KCTD16: variants seen among roughly 807,000 people sequenced by gnomAD.
The protein encoded by KCTD16 is BTB/POZ domain-containing protein KCTD16.
KCTD16 carries 13 observed loss-of-function variants against 33.2 expected under a neutral mutation model. The observed-to-expected ratio is 0.39, with a 90% CI of 0.25 to 0.62. The LOEUF (loss-of-function observed/expected upper bound fraction) is 0.62, where lower values mean the gene tolerates loss of function less well. KCTD16 is among the 20% of genes least tolerant of loss of function. KCTD16 has a pLI of 0.50. For missense variants in KCTD16, 441 were observed against 525.1 expected (o/e 0.84, Z 1.57); for synonymous variants, 197 against 195.3 (o/e 1.01, Z -0.07).
chr5:144,402,229 A>C (rs1241006550), intron 3 of KCTD16, among the ~76,000 whole-genome samples: 1 of 152,198 alleles, frequency 6.6e-6, no homozygotes, highest in African/African-American at 2.4e-5. Context: ...TTCGTTGGCT[A>C]TAGAAGGGGC....
At chr5:144,228,726 G>A (rs1395285910) in intron 3 of KCTD16, among the ~76,000 whole-genome samples, 1 of 152,134 alleles carries the variant, frequency 6.6e-6, no homozygotes, top group African/African-American at 2.4e-5. Flanking sequence ...GATATCCTTG[G>A]ATAAGTAAGA....
chr5:144,280,701 G>A (rs888710617), intron 3 of KCTD16, among the ~76,000 whole-genome samples: 3 of 152,192 alleles, frequency 2.0e-5, no homozygotes, highest in African/African-American at 7.2e-5. Flanking sequence ...AAGGCGGGCG[G>A]ATCACGAGGT....
At chr5:144,366,358 A>G (rs1225541311) in intron 3 of KCTD16, among the ~76,000 whole-genome samples, 2 of 152,168 alleles carry the variant, frequency 1.3e-5, no homozygotes, top group Non-Finnish European at 2.9e-5. Context: ...ATAGCCAACC[A>G]CTGATGTTTG....
In KCTD16 at chr5:144,478,138, T is replaced by G. The variant is rs1561623813; in HGVS notation, c.*4024T>G. On this transcript the variant is annotated 3_prime_UTR_variant, in exon 4 of 4. Transcript: ENST00000512467. ...TCAATTTATTTATTTTCTTTTATATTGTCAAAATAGCACACTAGAGAAAGA... is the reference window on the plus strand; with the variant it reads ...TCAATTTATTTATTTTCTTTTATATGGTCAAAATAGCACACTAGAGAAAGA... 6.6e-6 allele frequency: 1 copy of G among 152,076 alleles called. No homozygotes were observed. Among genetic ancestry groups the G allele is most frequent in the African/African-American group, 2.4e-5 (1 of 41,432 alleles). 9.4% of individuals were successfully genotyped at this position (152,076 alleles called of 1,614,324 possible).
At chr5:144,297,294 G>A (rs1181310027) in intron 3 of KCTD16, among the ~76,000 whole-genome samples, 1 of 152,204 alleles carries the variant, frequency 6.6e-6, no homozygotes, top group East Asian at 1.9e-4. Context: ...GCAAGAATGT[G>A]TTTGGCTGCA....
intron 3 of KCTD16, among the ~76,000 whole-genome samples, chr5:144,309,054 G>A (rs1438400746): frequency 2.6e-5 from 4 of 152,098 alleles, no homozygotes; most frequent in Non-Finnish European, 4.4e-5. Context: ...AAGCTAATTG[G>A]ATCCTAATGC....
At chr5:144,228,298 G>T (rs1318061632) in intron 3 of KCTD16, among the ~76,000 whole-genome samples, 1 of 152,172 alleles carries the variant, frequency 6.6e-6, no homozygotes, top group Non-Finnish European at 1.5e-5. Flanking sequence ...TGTCCTGGAA[G>T]CCAGGTGAAA....
intron 3 of KCTD16, among the ~76,000 whole-genome samples, chr5:144,340,344 G>A (rs1752598670): frequency 6.7e-6 from 1 of 149,100 alleles, no homozygotes; most frequent in Admixed American, 6.7e-5. Flanking sequence ...GTAGCTTGCA[G>A]TGAGCCTAGA....
chr5:144,263,966 C>T (rs559216907), intron 3 of KCTD16, among the ~76,000 whole-genome samples: 25 of 152,298 alleles, frequency 1.6e-4, no homozygotes, highest in African/African-American at 5.5e-4. Flanking sequence ...TTAATTTCAG[C>T]GTGGGGTTCC....
chr5:144,328,621 G>A (rs528809879), intron 3 of KCTD16, among the ~76,000 whole-genome samples: 3 of 151,602 alleles, frequency 2.0e-5, no homozygotes, highest in Admixed American at 6.6e-5. Context: ...CATCATCTAT[G>A]TGTAAACTAA....
chr5:144,475,289 C>T lies in KCTD16; in HGVS notation c.*1175C>T, dbSNP rs555779756. The T allele has an allele frequency of 2.0e-5, 3 of 152,136 alleles. No individual in the cohort carries two copies. The highest frequency in any genetic ancestry group is 2.9e-5 in the Non-Finnish European group (2 of 68,016). The allele number at this position is 152,136 out of a possible 1,614,324, so 9.4% of individuals were successfully genotyped here. The stretch of plus-strand genomic sequence containing the variant: ...AGCTACATTTTTACTTGCTTGTAGC[C>T]GTTTTTGTTTGCCTTTGGGATTCGG... On this transcript the variant is annotated 3_prime_UTR_variant, in exon 4 of 4. Transcript: ENST00000512467.
chr5:144,171,154 G>C (rs1752373684), intron 1 of KCTD16, 145 bp downstream of exon 1: 1 of 152,196 alleles, frequency 6.6e-6, no homozygotes. Flanking sequence ...TACCCACCTG[G>C]AGTTGGTGGT....
At chr5:144,275,677 A>G (rs1238513136) in intron 3 of KCTD16, among the ~76,000 whole-genome samples, 1 of 152,212 alleles carries the variant, frequency 6.6e-6, no homozygotes, top group African/African-American at 2.4e-5. Flanking sequence ...AAAAATAAAT[A>G]CGTGCCATTC....
intron 2 of KCTD16, among the ~76,000 whole-genome samples, chr5:144,200,990 C>T (rs988606961): frequency 6.6e-6 from 1 of 152,208 alleles, no homozygotes; most frequent in African/African-American, 2.4e-5. Context: ...AAGCAATCTT[C>T]CCACATCATC....
intron 3 of KCTD16, among the ~76,000 whole-genome samples, chr5:144,212,230 G>T (rs751011520): frequency 2.6e-5 from 4 of 152,100 alleles, no homozygotes; most frequent in Non-Finnish European, 4.4e-5. Flanking sequence ...AAGATGCTGT[G>T]CACTGAGAAT....
chr5:144,322,522 C>CAAAAA (rs542954295), intron 3 of KCTD16, among the ~76,000 whole-genome samples: 27 of 151,062 alleles, frequency 1.8e-4, no homozygotes, highest in African/African-American at 4.9e-4. Context: ...AACAAACAAA[C>CAAAAA]AAAAAAAACA....
At chr5:144,230,415 A>T (rs886443211) in intron 3 of KCTD16, among the ~76,000 whole-genome samples, 1 of 152,220 alleles carries the variant, frequency 6.6e-6, no homozygotes, top group Non-Finnish European at 1.5e-5. Flanking sequence ...TCAGACAAAG[A>T]TGGAAATCTT....
chr5:144,408,734 T>C (rs1372884565), intron 3 of KCTD16, among the ~76,000 whole-genome samples: 1 of 152,218 alleles, frequency 6.6e-6, no homozygotes, highest in African/African-American at 2.4e-5. Context: ...ATATCGCTCC[T>C]GCCTGTGACT....
In KCTD16 at chr5:144,462,704, G is replaced by C. The variant is rs566866870; in HGVS notation, c.833-10956G>C. 1.1e-4 allele frequency among the ~76,000 whole-genome samples: 16 copies of C among 152,144 alleles called. No individual in the cohort carries two copies. The South Asian group carries it at 2.5e-3, about 24-fold the overall frequency. On this transcript the variant is annotated intron_variant, in intron 3 of 3. Transcript: ENST00000512467. ...AAAAACAAAAAACAGACACATCTCT[G>C]TCTGGCTTCCAATGGTTTCCACAAT... is the stretch of plus-strand genomic sequence containing the variant.
Sources: allele counts gnomAD v4.1 joint callset (sites outside exome capture counted in the v4.1 genomes callset), GRCh38; gene constraint gnomAD v4.1.1; transcripts MANE v1.5; gene names NCBI Gene and HGNC (gene_info 2026-07-23, HGNC 2026-07-21).